TOP2A: variants seen among roughly 807,000 people sequenced by gnomAD.
TOP2A encodes the protein DNA topoisomerase II alpha, also known as DNA topoisomerase 2-alpha.
Under a neutral mutation model 187.2 loss-of-function variants are expected in TOP2A, and 68 were observed. That is an observed-to-expected ratio of 0.36 (90% CI 0.30 to 0.44). The LOEUF (loss-of-function observed/expected upper bound fraction) is 0.44. Among genes scored for constraint, TOP2A ranks in the 20% least tolerant of loss-of-function variants. The pLI is 1.00. For synonymous variants in TOP2A, 542 were observed against 593.2 expected (o/e 0.91, Z 1.25); for missense variants, 1,196 against 1,808.7 (o/e 0.66, Z 6.14).
intron 29 of TOP2A, 119 bp downstream of exon 29, chr17:40,395,330 G>T: frequency 2.6e-6 from 1 of 388,314 alleles, no homozygotes; most frequent in East Asian, 5.1e-5. Context: ...TTGAGATACA[G>T]TCCTCTTTCA....
intron 23 of TOP2A, 69 bp downstream of exon 23, chr17:40,400,140 T>C: frequency 1.3e-6 from 2 of 1,583,404 alleles, no homozygotes; most frequent in Non-Finnish European, 1.7e-6. Context: ...GACTAAGATA[T>C]ACTTTTAAAA....
intron 20 of TOP2A, 149 bp downstream of exon 20, chr17:40,402,757 G>A (rs1410231155): frequency 4.3e-6 from 3 of 703,932 alleles, no homozygotes; most frequent in South Asian, 2.2e-5. Flanking sequence ...GTTATGGGGG[G>A]GCTTTCCTGT....
At chr17:40,393,920 G>A (rs1169304143) in intron 29 of TOP2A, among the ~76,000 whole-genome samples, 1 of 152,088 alleles carries the variant, frequency 6.6e-6, no homozygotes, top group African/African-American at 2.4e-5. Context: ...TTTGGGCATG[G>A]TGGTGCGTGC....
At chr17:40,400,713 C>A in intron 21 of TOP2A, 50 bp from the exon 22 acceptor site, 1 of 1,560,686 alleles carries the variant, frequency 6.4e-7, no homozygotes, top group Non-Finnish European at 8.7e-7. Flanking sequence ...TGATACTAGA[C>A]GGAAATCACA....
At chr17:40,400,431 A>C in intron 22 of TOP2A, 22 bp from the exon 23 acceptor site, 4 of 1,609,924 alleles carry the variant, frequency 2.5e-6, no homozygotes, top group Non-Finnish European at 3.4e-6. Flanking sequence ...AATAATCCTG[A>C]AGTTTCTAAA....
chr17:40,402,437 GGAAGGTGA>G (rs1228553038), intron 20 of TOP2A, among the ~76,000 whole-genome samples: 3 of 152,160 alleles, frequency 2.0e-5, no homozygotes, highest in African/African-American at 7.2e-5. Flanking sequence ...TTAGAGGTTG[GGAAGGTGA>G]GAAGGACCCA....
intron 1 of TOP2A, 65 bp downstream of exon 1, chr17:40,417,706 G>C (rs542432464): frequency 1.9e-6 from 3 of 1,607,178 alleles, no homozygotes; most frequent in Non-Finnish European, 1.7e-6. Flanking sequence ...CACCCGTCAC[G>C]GGCGGCCAGA....
Position 40,406,441 on chromosome 17 carries a change from T to C in TOP2A, c.1896A>G (p.Lys632=). The C allele has an allele frequency of 6.2e-7, 1 of 1,613,872 alleles. No individual in the cohort carries two copies. Among genetic ancestry groups the C allele is most frequent in the South Asian group, 1.1e-5 (1 of 91,068 alleles). The change falls in exon 16 of 35, where the codon AAA becomes AAG. Residue 632 remains lysine (K), a synonymous_variant. Transcript: ENST00000423485. ...KEAKEYFADM[K]RHRIQFKYSG... ...AATATTTGAACTGGATACGATGTCT[T>C]TTCATATCTGCAAAGTATTCTTTAG...
intron 22 of TOP2A, 37 bp downstream of exon 22, chr17:40,400,492 G>C (rs1031508267): frequency 1.9e-6 from 3 of 1,600,468 alleles, no homozygotes; most frequent in Non-Finnish European, 1.7e-6. Flanking sequence ...TATTTCTTTT[G>C]ATCACAAACC....
At chr17:40,395,856 C>T (rs1427372775) in intron 28 of TOP2A, among the ~76,000 whole-genome samples, 1 of 151,980 alleles carries the variant, frequency 6.6e-6, no homozygotes, top group Non-Finnish European at 1.5e-5. Context: ...CCATTGCACT[C>T]CAGCCTGGGT....
intron 3 of TOP2A, 70 bp from the exon 4 acceptor site, chr17:40,416,138 G>T: frequency 1.6e-6 from 2 of 1,260,090 alleles, no homozygotes; most frequent in East Asian, 2.5e-5. Context: ...CTCTAAGTAA[G>T]ATATAGAAAA....
chr17:40,405,164 A>C (rs2035224163), intron 16 of TOP2A, among the ~76,000 whole-genome samples: 1 of 127,968 alleles, frequency 7.8e-6, no homozygotes, highest in Non-Finnish European at 1.7e-5. Flanking sequence ...TAATTTTTGT[A>C]TTTTTTTTTT....
rs17680289 is a variant in TOP2A, at chr17:40,390,022, A to C, written c.4410T>G (p.Thr1470=). The change falls in exon 34 of 35, where the codon ACT becomes ACG. Residue 1470 remains threonine (T), a synonymous_variant. Coordinates refer to ENST00000423485, the MANE Select transcript of TOP2A (RefSeq NM_001067.4). The stretch of plus-strand genomic sequence containing the variant: ...CAAAATTAGAGTCAGAATCATCAGA[A>C]GTGGATGGCTTCCTTTTGCGGCGAT... ...TKNRRKRKPS[T]SDDSDSNFEK... is the part of the protein sequence containing the mutation. 29,919 of 1,613,910 alleles carry C rather than the reference A, an allele frequency of 0.019. 376 individuals carry two copies. The highest frequency in any genetic ancestry group is 0.023 in the Non-Finnish European group (26,932 of 1,179,846).
At chr17:40,410,554 G>A in intron 10 of TOP2A, 2 of 443,622 alleles carry the variant, frequency 4.5e-6, no homozygotes, top group South Asian at 3.2e-5. Context: ...GACTTAACCA[G>A]TATGAAGGTT....
intron 14 of TOP2A, 70 bp from the exon 15 acceptor site, chr17:40,406,759 G>T: frequency 1.3e-6 from 2 of 1,558,318 alleles, no homozygotes; most frequent in Middle Eastern, 1.7e-4. Flanking sequence ...CATGTGACGG[G>T]GCTTATATGT....
At chr17:40,416,396 A>G in intron 3 of TOP2A, 26 bp downstream of exon 3, 3 of 1,382,166 alleles carry the variant, frequency 2.2e-6, no homozygotes, top group Non-Finnish European at 3.0e-6. Context: ...ATTTGACCAG[A>G]TCTTTATATT....
At position 40,406,881 on chromosome 17, in the gene TOP2A, G is replaced by A. The variant is rs765414730; in HGVS notation, c.1688C>T (p.Ser563Phe). Residue 563 changes from serine (S) to phenylalanine (F), a missense_variant, in exon 14 of 35, where the codon TCT (serine) becomes TTT (phenylalanine). Physicochemically the swap from Ser to Phe is radical, Grantham distance 155. Coordinates refer to ENST00000423485, the MANE Select transcript of TOP2A (RefSeq NM_001067.4). ...CTCCAGAAAACGATGTCGCAGAAGA[G>A]AGGGCCAGTTGTGATGGATAAAATT... Reference protein sequence around the residue: ...LINFIHHNWPSLLRHRFLEEF... With the variant: ...LINFIHHNWPFLLRHRFLEEF... 1 of 1,608,224 alleles carries A rather than the reference G, an allele frequency of 6.2e-7. No individual in the cohort carries two copies. Among genetic ancestry groups the A allele is most frequent in the South Asian group, 1.1e-5 (1 of 90,194 alleles).
intron 19 of TOP2A, among the ~76,000 whole-genome samples, chr17:40,403,439 T>G (rs1196208129): frequency 6.6e-6 from 1 of 152,228 alleles, no homozygotes; most frequent in Non-Finnish European, 1.5e-5. Flanking sequence ...GAACATATTT[T>G]TATTTATTTT....
Position 40,399,139 on chromosome 17 carries a change from T to C in TOP2A, c.3197-8A>G, listed in dbSNP as rs2035142642. 1 of 1,503,628 alleles carries C rather than the reference T, an allele frequency of 6.7e-7. No homozygotes were observed. Among genetic ancestry groups the C allele is most frequent in the African/African-American group, 1.4e-5 (1 of 71,922 alleles). 93.1% of individuals were successfully genotyped at this position (1,503,628 alleles called of 1,614,324 possible). A position where few individuals can be genotyped will look rare whatever the true frequency, so the allele number is the denominator to read the frequency against. ...CTTTCTTAGGCTTATTTTCTATTTT[T>C]AAAAAAGTAAACAGAGATAATGATT... On this transcript the variant is annotated splice_region_variant and splice_polypyrimidine_tract_variant and intron_variant, in intron 24 of 34. Coordinates refer to ENST00000423485, the MANE Select transcript of TOP2A (RefSeq NM_001067.4).
Sources: gnomAD v4.1 joint callset for allele counts (sites outside exome capture counted in the v4.1 genomes callset) on GRCh38, gnomAD v4.1.1 for gene constraint, MANE v1.5 for transcripts, NCBI Gene and HGNC (gene_info 2026-07-23, HGNC 2026-07-21) for gene names.